Variants in RNF6 observed in about 807,000 individuals in gnomAD.
RNF6 encodes the protein ring finger protein 6.
RNF6 carries 21 observed loss-of-function variants against 50.1 expected under a neutral mutation model. The observed-to-expected ratio is 0.42, with a 90% CI of 0.30 to 0.60. The LOEUF (loss-of-function observed/expected upper bound fraction) is 0.60. Among genes scored for constraint, RNF6 ranks in the 20% least tolerant of loss-of-function variants. The probability of loss-of-function intolerance (pLI) is 0.20; values close to 1 mark genes in which losing one functional copy is unlikely to be tolerated. For synonymous variants in RNF6, 255 were observed against 291.8 expected, an observed-to-expected ratio of 0.87 and a Z score of 1.29; for missense variants, 698 against 838.2, an observed-to-expected ratio of 0.83 and a Z score of 2.07.
intron 5 of RNF6, among the ~76,000 whole-genome samples, chr13:26,199,684 T>A (rs111749740): frequency 6.6e-6 from 1 of 151,990 alleles, no homozygotes; most frequent in African/African-American, 2.4e-5. Context: ...TCCTAATACA[T>A]AAAGAATTAT....
Position 26,215,363 on chromosome 13 carries a change from T to G in RNF6, c.519A>C (p.Pro173=). The part of the protein sequence containing the change: ...EIHGEDYTDI[P]LSDSNRDHTA... The stretch of plus-strand genomic sequence containing the variant: ...TATGATCTCTGTTACTATCTGAAAG[T>G]GGAATGTCTGTATAATCTTCTCCAT... The change falls in exon 5 of 5, where the codon CCA becomes CCC. Residue 173 remains proline, a synonymous_variant. Coordinates refer to ENST00000381588, the MANE Select transcript of RNF6 (RefSeq NM_005977.4). 1 of 1,614,216 alleles carries G rather than the reference T, an allele frequency of 6.2e-7. No homozygotes were observed. Among genetic ancestry groups the G allele is most frequent in the Non-Finnish European group, 8.5e-7 (1 of 1,180,034 alleles).
chr13:26,214,435 T>C lies in RNF6; in HGVS notation c.1447A>G (p.Ile483Val), dbSNP rs537394038. The C allele has an allele frequency of 6.7e-5, 108 of 1,614,166 alleles. No homozygotes were observed. The highest frequency in any genetic ancestry group is 1.3e-4 in the Admixed American group (8 of 60,018). ...VEPSSVALRS[I>V]LRQIMTGFGE... is the part of the protein sequence containing the mutation. ...AACCCAGTCATGATCTGCCTTAAAA[T>C]TGACCGAAGAGCCACTGATGATGGC... The change falls in exon 5 of 5, where the codon ATT becomes GTT. Residue 483 changes from isoleucine to valine, a missense_variant. Ile to Val is a conservative substitution (Grantham distance 29, BLOSUM62 3). Transcript: ENST00000381588.
chr13:26,146,560 G>T (rs1237046729), intron 5 of RNF6, among the ~76,000 whole-genome samples: 1 of 152,136 alleles, frequency 6.6e-6, no homozygotes, highest in Non-Finnish European at 1.5e-5. Context: ...ACCCTAGGGT[G>T]AGTGAATAGA....
intron 5 of RNF6, among the ~76,000 whole-genome samples, chr13:26,185,141 C>T (rs974200223): frequency 2.0e-5 from 3 of 152,074 alleles, no homozygotes; most frequent in Middle Eastern, 3.4e-3. Flanking sequence ...GGACAACAGG[C>T]GCACACCACC....
At chr13:26,185,976 A>G (rs1261994114) in intron 5 of RNF6, among the ~76,000 whole-genome samples, 1 of 152,202 alleles carries the variant, frequency 6.6e-6, no homozygotes, top group Non-Finnish European at 1.5e-5. Flanking sequence ...AAAGAGCCAT[A>G]GCCCCTCCCA....
Position 26,214,757 on chromosome 13 carries a change from T to C in RNF6, c.1125A>G (p.Arg375=). 4 of 1,614,224 alleles carry C rather than the reference T, an allele frequency of 2.5e-6. No individual in the cohort carries two copies. The highest frequency in any genetic ancestry group is 2.5e-6 in the Non-Finnish European group (3 of 1,180,040). ...ATTCTTCTCCTTCTTCTACTGTTATTCTTGACACAAGCCTTGAATTAGAGA... is the reference window on the plus strand; with the variant it reads ...ATTCTTCTCCTTCTTCTACTGTTATCCTTGACACAAGCCTTGAATTAGAGA... ...TPFSNSRLVS[R]ITVEEGEESS... The change falls in exon 5 of 5, where the codon AGA becomes AGG. Residue 375 remains arginine (R), a synonymous_variant. Coordinates refer to ENST00000381588, the MANE Select transcript of RNF6 (RefSeq NM_005977.4).
In RNF6 at chr13:26,215,517, T is replaced by G. The variant is rs775062368; in HGVS notation, c.365A>C (p.Asn122Thr). ...CCCATTTTGTCCACTTCGAGTTGCATTTCCTGTGCGCCGAAAGGTGTTCAA... is the reference window on the plus strand; with the variant it reads ...CCCATTTTGTCCACTTCGAGTTGCAGTTCCTGTGCGCCGAAAGGTGTTCAA... The part of the protein sequence containing the change: ...EWLNTFRRTG[N>T]ATRSGQNGNQ... Residue 122 changes from asparagine (N) to threonine (T), a missense_variant, in exon 5 of 5, where the codon AAT becomes ACT. By Grantham distance (65) the Asn-to-Thr change is moderately conservative (BLOSUM62 0). Transcript: ENST00000381588. 2.5e-6 allele frequency: 4 copies of G among 1,613,722 alleles called. No individual in the cohort carries two copies. In the South Asian group the frequency reaches 4.4e-5, roughly 18 times the overall value.
chr13:26,165,306 T>C (rs998501791), intron 5 of RNF6, among the ~76,000 whole-genome samples: 1 of 152,182 alleles, frequency 6.6e-6, no homozygotes, highest in Admixed American at 6.5e-5. Context: ...GGAGAATGTA[T>C]GGAAACGCCT....
At chr13:26,191,588 GT>G (rs1868460900) in intron 5 of RNF6, among the ~76,000 whole-genome samples, 3 of 152,236 alleles carry the variant, frequency 2.0e-5, no homozygotes, top group Admixed American at 2.0e-4. Flanking sequence ...AGATCTGATG[GT>G]TTAAAAGTGC....
At chr13:26,205,538 G>A (rs181452513) in intron 5 of RNF6, among the ~76,000 whole-genome samples, 15 of 152,252 alleles carry the variant, frequency 9.9e-5, no homozygotes, top group Admixed American at 6.5e-4. Flanking sequence ...AGCATACTCC[G>A]TGGTCAAGAT....
intron 5 of RNF6, among the ~76,000 whole-genome samples, chr13:26,172,272 C>G (rs7985782): frequency 0.72 from 110,056 of 151,838 alleles, 40,479 homozygotes; most frequent in East Asian, 0.8. Context: ...CTGGTTAGCA[C>G]TATGGAAAAA....
At chr13:26,154,123 A>G (rs1871782759) in intron 5 of RNF6, 2 of 152,292 alleles carry the variant, frequency 1.3e-5, no homozygotes, top group African/African-American at 4.8e-5. Context: ...GCTTTGGTAA[A>G]CTGCAGGTAC....
intron 5 of RNF6, among the ~76,000 whole-genome samples, chr13:26,174,641 T>G (rs1274887639): frequency 1.3e-5 from 2 of 151,990 alleles, no homozygotes; most frequent in African/African-American, 2.4e-5. Flanking sequence ...TGAAACAAAG[T>G]TACTCACCCC....
rs541793469 is a variant in RNF6 at position 26,193,303 on chromosome 13, G to A, written n.768+22171C>T. ...GCCTGGAAAAATTCATCATTAAGAG[G>A]TTAAAAAAAAAATGAGGAGCCAGGA... On this transcript the variant is annotated intron_variant and non_coding_transcript_variant, in intron 5 of 5. Coordinates refer to the RNF6 transcript ENST00000468480. 2.6e-4 allele frequency among the ~76,000 whole-genome samples: 39 copies of A among 152,066 alleles called. No homozygotes were observed. In the East Asian group the frequency reaches 2.9e-3, roughly 11 times the overall value.
At chr13:26,134,428 T>G (rs1235584588) in intron 5 of RNF6, among the ~76,000 whole-genome samples, 1 of 152,264 alleles carries the variant, frequency 6.6e-6, no homozygotes. Context: ...GTTGCTCCTT[T>G]CCTGGTCTTT....
chr13:26,173,369 T>C (rs1165708908), intron 5 of RNF6, among the ~76,000 whole-genome samples: 5 of 152,116 alleles, frequency 3.3e-5, no homozygotes, highest in Admixed American at 2.0e-4. Context: ...TATAGTGAAA[T>C]ACTGTAGAGA....
At chr13:26,143,190 C>T (rs956181009) in intron 5 of RNF6, among the ~76,000 whole-genome samples, 2 of 152,146 alleles carry the variant, frequency 1.3e-5, no homozygotes, top group African/African-American at 4.8e-5. Context: ...TTAATTCTGC[C>T]TGAATTAGGG....
intron 5 of RNF6, among the ~76,000 whole-genome samples, chr13:26,172,243 G>A (rs544988021): frequency 2.4e-4 from 36 of 149,580 alleles, no homozygotes; most frequent in Admixed American, 6.1e-4. Context: ...GGACCATTCC[G>A]TAACCGATGC....
In RNF6 at chr13:26,213,877, A is replaced by G. The variant is rs759770656; in HGVS notation, c.2005T>C (p.Cys669Arg). 6.2e-7 allele frequency: 1 copy of G among 1,613,908 alleles called. No homozygotes were observed. Residue 669 changes from cysteine to arginine, a missense_variant, in exon 5 of 5, where the codon TGT (cysteine) becomes CGT (arginine). By Grantham distance (180) the Cys-to-Arg change is radical. Coordinates refer to ENST00000381588, the MANE Select transcript of RNF6 (RefSeq NM_005977.4). Reference sequence around the variant, plus strand: ...AAAACAGGCTGCCGACAGATCGGACAAGTGCAATTCTCTGAGAGCCATCGG... The same window carrying G: ...AAAACAGGCTGCCGACAGATCGGACGAGTGCAATTCTCTGAGAGCCATCGG... ...IDRWLSENCT[C>R]PICRQPVLGS...
Sources: gnomAD v4.1 joint callset for allele counts (sites outside exome capture counted in the v4.1 genomes callset) on GRCh38, gnomAD v4.1.1 for gene constraint, MANE v1.5 for transcripts, NCBI Gene and HGNC (gene_info 2026-07-23, HGNC 2026-07-21) for gene names.